The following NOX4 variants were observed in gnomAD, a reference collection of about 807,000 sequenced individuals.
The protein encoded by NOX4 is kidney oxidase-1.
NOX4 carries 69 observed loss-of-function variants against 87.6 expected under a neutral mutation model. That is an observed-to-expected ratio of 0.79 (90% CI 0.65 to 0.96). The LOEUF (loss-of-function observed/expected upper bound fraction) is 0.96, where lower values mean the gene tolerates loss of function less well. NOX4 is among the 40% of genes least tolerant of loss of function. The pLI is 0.00. For missense variants in NOX4, 680 were observed against 681.5 expected (o/e 1.00, Z 0.02); for synonymous variants, 275 against 238.2 (o/e 1.15, Z -1.42).
At chr11:89,355,801 C>T (rs1180080681) in intron 12 of NOX4, among the ~76,000 whole-genome samples, 14 of 152,066 alleles carry the variant, frequency 9.2e-5, no homozygotes, top group Non-Finnish European at 1.9e-4. Context: ...TTTCCATTCT[C>T]AGGGACACAC....
chr11:89,532,137 C>A, the NOX4 span, among the ~76,000 whole-genome samples: 1 of 152,188 alleles, frequency 6.6e-6, no homozygotes, highest in Non-Finnish European at 1.5e-5. Context: ...ACACAAAAGT[C>A]CCCACTGGGG....
At chr11:89,457,189 G>A (rs1945244869) in intron 2 of NOX4, among the ~76,000 whole-genome samples, 1 of 152,158 alleles carries the variant, frequency 6.6e-6, no homozygotes, top group Non-Finnish European at 1.5e-5. Context: ...CCCTTACCCA[G>A]CCAGTACGTG....
At chr11:89,430,953 A>G (rs898301138) in intron 7 of NOX4, among the ~76,000 whole-genome samples, 1 of 152,132 alleles carries the variant, frequency 6.6e-6, no homozygotes, top group Non-Finnish European at 1.5e-5. Context: ...GACTTCAAAC[A>G]ATACTACAAG....
chr11:89,538,318 G>A, the NOX4 span, among the ~76,000 whole-genome samples: 1 of 152,192 alleles, frequency 6.6e-6, no homozygotes, highest in Non-Finnish European at 1.5e-5. Context: ...GCTATTGTTC[G>A]TGTCCTGAAT....
chr11:89,345,217 T>G (rs1317063039), intron 13 of NOX4, among the ~76,000 whole-genome samples: 1 of 152,134 alleles, frequency 6.6e-6, no homozygotes, highest in African/African-American at 2.4e-5. Flanking sequence ...TCTGAGCATT[T>G]GTAGTTTTCA....
At chr11:89,418,524 A>T (rs1248764128) in intron 8 of NOX4, among the ~76,000 whole-genome samples, 1 of 151,166 alleles carries the variant, frequency 6.6e-6, no homozygotes. Context: ...GAAGCATTCA[A>T]TTAATATTAA....
At chr11:89,460,274 C>T (rs1291194457) in intron 2 of NOX4, among the ~76,000 whole-genome samples, 2 of 152,140 alleles carry the variant, frequency 1.3e-5, no homozygotes, top group African/African-American at 4.8e-5. Flanking sequence ...GTCTAAAACA[C>T]CAAAAGCAAT....
At chr11:89,586,348 T>C in the NOX4 span, among the ~76,000 whole-genome samples, 2 of 152,294 alleles carry the variant, frequency 1.3e-5, no homozygotes, top group Admixed American at 1.3e-4. Context: ...TCACATGCAT[T>C]ATATAATGTT....
chr11:89,368,123 T>C lies in NOX4; in HGVS notation c.1135+5309A>G, dbSNP rs1399075924. 4.6e-5 allele frequency among the ~76,000 whole-genome samples: 7 copies of C among 151,888 alleles called. No homozygotes were observed. In the South Asian group the frequency reaches 8.3e-4, roughly 18 times the overall value. On this transcript the variant is annotated intron_variant, in intron 12 of 17. Coordinates refer to ENST00000263317, the MANE Select transcript of NOX4 (RefSeq NM_016931.5). ...ATAAGTGTATAAATATATTATAACA[T>C]AATTAGTATATTGTTATAATTATTA... is the stretch of plus-strand genomic sequence containing the variant.
intron 13 of NOX4, among the ~76,000 whole-genome samples, chr11:89,350,990 G>A (rs1172247694): frequency 6.6e-6 from 1 of 152,190 alleles, no homozygotes; most frequent in Non-Finnish European, 1.5e-5. Flanking sequence ...TAAACTTAGT[G>A]AGGAAGGCAT....
chr11:89,564,248 G>T, the NOX4 span, among the ~76,000 whole-genome samples: 2 of 152,194 alleles, frequency 1.3e-5, no homozygotes, highest in African/African-American at 4.8e-5. Flanking sequence ...TTGGCTTGCA[G>T]TTCTGCAGGC....
the NOX4 span, among the ~76,000 whole-genome samples, chr11:89,523,320 C>T: frequency 6.6e-6 from 1 of 152,090 alleles, no homozygotes. Context: ...TGGTGCCTGG[C>T]TGGAAAGCAC....
chr11:89,562,564 A>C, the NOX4 span, among the ~76,000 whole-genome samples: 1 of 152,150 alleles, frequency 6.6e-6, no homozygotes, highest in African/African-American at 2.4e-5. Context: ...CATAAGATAA[A>C]TCAAAACTTG....
At chr11:89,329,356 G>GAAA (rs377055666) in intron 17 of NOX4, among the ~76,000 whole-genome samples, 64 of 34,706 alleles carry the variant, frequency 1.8e-3, no homozygotes, top group African/African-American at 6.3e-3. Flanking sequence ...GAAAAAAACT[G>GAAA]AAAAAAAAAA....
the NOX4 span, among the ~76,000 whole-genome samples, chr11:89,586,362 T>G: frequency 2.0e-5 from 3 of 152,202 alleles, no homozygotes; most frequent in Non-Finnish European, 4.4e-5. Context: ...TAATGTTAGT[T>G]CTCACAACAA....
rs1946848653 is a variant in NOX4 at position 89,491,360 on chromosome 11, G to C, written c.-114C>G. ...TGCCGGGCCGCTGAGCGAGGACCGA[G>C]GGTCAAAGACTGAGTGGAAGCCCGA... On this transcript the variant is annotated 5_prime_UTR_variant, in exon 1 of 18. Transcript: ENST00000263317. 3.0e-6 allele frequency: 3 copies of C among 999,958 alleles called. No individual in the cohort carries two copies. The highest frequency in any genetic ancestry group is 4.3e-6 in the Non-Finnish European group (3 of 693,164). 61.9% of individuals were successfully genotyped at this position (999,958 alleles called of 1,614,324 possible). A position where few individuals can be genotyped will look rare whatever the true frequency, so the allele number is the denominator to read the frequency against.
intron 4 of NOX4, among the ~76,000 whole-genome samples, chr11:89,448,729 A>G (rs989834434): frequency 2.0e-5 from 3 of 152,054 alleles, no homozygotes; most frequent in Admixed American, 2.0e-4. Context: ...AAAAAAATAC[A>G]AAAACTAGCC....
the NOX4 span, among the ~76,000 whole-genome samples, chr11:89,521,105 G>C: frequency 7.9e-5 from 12 of 151,958 alleles, no homozygotes; most frequent in Non-Finnish European, 1.5e-4. Context: ...TGTTAGAATG[G>C]CCATATTGTC....
At chr11:89,402,670 G>C (rs1273722192) in intron 8 of NOX4, 128 bp from the exon 9 acceptor site, 7 of 730,538 alleles carry the variant, frequency 9.6e-6, no homozygotes, top group Admixed American at 5.6e-5. Flanking sequence ...TATCCAAAAA[G>C]TGTTCCTTAT....
Sources: allele counts gnomAD v4.1 joint callset (sites outside exome capture counted in the v4.1 genomes callset), GRCh38; gene constraint gnomAD v4.1.1; transcripts MANE v1.5; gene names NCBI Gene and HGNC (gene_info 2026-07-23, HGNC 2026-07-21).